Variants in ADAMTSL1 observed in about 807,000 individuals in gnomAD.
ADAMTSL1 encodes the protein ADAMTS-like protein 1.
ADAMTSL1 carries 126 observed loss-of-function variants against 201.8 expected under a neutral mutation model. The ratio of observed to expected loss-of-function variants is 0.62; its 90% confidence interval spans 0.54 to 0.72. The LOEUF (loss-of-function observed/expected upper bound fraction) is 0.72, where lower values mean the gene tolerates loss of function less well. Ranked by LOEUF, ADAMTSL1 falls within the 30% of genes least tolerant of loss-of-function variation. The probability of loss-of-function intolerance (pLI) is 0.00; values close to 1 mark genes in which losing one functional copy is unlikely to be tolerated. For synonymous variants in ADAMTSL1, 1,121 were observed against 903.4 expected (o/e 1.24, Z -4.32); for missense variants, 2,679 against 2,277.8 (o/e 1.18, Z -3.59).
intron 20 of ADAMTSL1, among the ~76,000 whole-genome samples, chr9:18,804,148 A>G (rs1822965535): frequency 1.3e-5 from 2 of 152,178 alleles, no homozygotes; most frequent in African/African-American, 2.4e-5. Context: ...ATAATGAATG[A>G]TAGCATTCTC....
intron 2 of ADAMTSL1, among the ~76,000 whole-genome samples, chr9:18,200,377 A>G (rs920600211): frequency 7.2e-5 from 11 of 152,064 alleles, no homozygotes; most frequent in African/African-American, 2.7e-4. Context: ...CTCTTTTGGA[A>G]CTGTATAAAT....
At position 18,718,314 on chromosome 9, in the gene ADAMTSL1, A is replaced by G. The variant is rs111827008; in HGVS notation, c.1877-3222A>G. The G allele has an allele frequency of 2.7e-3, 2,039 of 744,288 alleles. 37 individuals carry two copies. In the African/African-American group the frequency reaches 0.029, roughly 11 times the overall value. 46.1% of individuals were successfully genotyped at this position (744,288 alleles called of 1,614,324 possible). On this transcript the variant is annotated intron_variant, in intron 14 of 28. Coordinates refer to ENST00000380548, the MANE Select transcript of ADAMTSL1 (RefSeq NM_001040272.6). ...TAATGCAAAGCCTTGTCCATTTCTC[A>G]TGTACAAATCCCTCCTTGCTATACA... is the stretch of plus-strand genomic sequence containing the variant.
At chr9:18,583,824 T>C (rs7040072) in intron 4 of ADAMTSL1, among the ~76,000 whole-genome samples, 21,609 of 152,228 alleles carry the variant, frequency 0.14, 1,928 homozygotes, top group South Asian at 0.25. Flanking sequence ...CTGGTGGATT[T>C]TGGACTTGAG....
chr9:18,456,928 G>A (rs1243456705), intron 2 of ADAMTSL1, among the ~76,000 whole-genome samples: 1 of 152,184 alleles, frequency 6.6e-6, no homozygotes, highest in East Asian at 1.9e-4. Context: ...GGCTGGAATG[G>A]AAGCACCACA....
chr9:18,762,685 G>A (rs998108067), intron 16 of ADAMTSL1, among the ~76,000 whole-genome samples: 14 of 147,180 alleles, frequency 9.5e-5, no homozygotes, highest in African/African-American at 1.5e-4. Context: ...TCCTTCTTCC[G>A]CTCTCTATGT....
At chr9:18,820,356 G>A (rs534465826) in intron 21 of ADAMTSL1, among the ~76,000 whole-genome samples, 17 of 152,076 alleles carry the variant, frequency 1.1e-4, no homozygotes, top group Non-Finnish European at 2.2e-4. Flanking sequence ...ATGTAGATAC[G>A]GTTGTTGTTT....
intron 2 of ADAMTSL1, among the ~76,000 whole-genome samples, chr9:18,400,327 T>A (rs1237716674): frequency 1.3e-5 from 2 of 152,192 alleles, no homozygotes; most frequent in Non-Finnish European, 2.9e-5. Flanking sequence ...TATAATTCAG[T>A]CTTTTCTCCA....
chr9:17,916,214 C>A (rs79666445), intron 1 of ADAMTSL1, among the ~76,000 whole-genome samples: 2,035 of 152,332 alleles, frequency 0.013, 45 homozygotes, highest in African/African-American at 0.047. Context: ...AGCCACCACC[C>A]AGCCACTATG....
intron 2 of ADAMTSL1, among the ~76,000 whole-genome samples, chr9:18,284,121 C>G (rs113767255): frequency 6.6e-6 from 1 of 151,036 alleles, no homozygotes. Flanking sequence ...TTCCACTACT[C>G]GGGAGGCTGA....
intron 19 of ADAMTSL1, among the ~76,000 whole-genome samples, chr9:18,786,898 G>A (rs1352061805): frequency 2.0e-5 from 3 of 152,218 alleles, no homozygotes; most frequent in Non-Finnish European, 4.4e-5. Flanking sequence ...GTGTTCCAAA[G>A]TGGTGCTGAA....
chr9:18,890,554 C>G (rs1563892840), intron 25 of ADAMTSL1: 1 of 455,876 alleles, frequency 2.2e-6, no homozygotes, highest in Non-Finnish European at 4.4e-6. Flanking sequence ...GTTTTGCCAG[C>G]TGAGTCATAA....
intron 5 of ADAMTSL1, among the ~76,000 whole-genome samples, chr9:18,628,941 A>G (rs1826565339): frequency 1.3e-5 from 2 of 152,174 alleles, no homozygotes; most frequent in Admixed American, 6.5e-5. Context: ...ATAGCACACT[A>G]CAGACCCACA....
At chr9:18,383,183 G>A (rs1031056281) in intron 2 of ADAMTSL1, among the ~76,000 whole-genome samples, 6 of 152,088 alleles carry the variant, frequency 3.9e-5, no homozygotes, top group Non-Finnish European at 8.8e-5. Context: ...AGGGAAGGGA[G>A]TTATTAAATA....
intron 1 of ADAMTSL1, among the ~76,000 whole-genome samples, chr9:17,967,223 AATTCCTGGTATATTCC>A (rs1430245115): frequency 6.6e-6 from 1 of 152,092 alleles, no homozygotes; most frequent in Non-Finnish European, 1.5e-5. Context: ...AATGTCTAAG[AATTCCTGGTATATTCC>A]ATTTTAAGGC....
intron 4 of ADAMTSL1, among the ~76,000 whole-genome samples, chr9:18,590,145 T>G (rs1242367757): frequency 1.3e-5 from 2 of 152,236 alleles, no homozygotes; most frequent in East Asian, 3.9e-4. Flanking sequence ...AATTCAGCAG[T>G]GAAGTCATTG....
At chr9:18,174,965 A>G (rs141132341) in intron 2 of ADAMTSL1, among the ~76,000 whole-genome samples, 1 of 152,362 alleles carries the variant, frequency 6.6e-6, no homozygotes, top group Non-Finnish European at 1.5e-5. Flanking sequence ...GAAAATGAAT[A>G]TTAAAAGAAT....
At chr9:17,937,550 CTT>C (rs980620526) in intron 1 of ADAMTSL1, among the ~76,000 whole-genome samples, 4 of 120,334 alleles carry the variant, frequency 3.3e-5, no homozygotes, top group African/African-American at 1.2e-4. Flanking sequence ...TTTAAACACA[CTT>C]ATAAACTTTG....
intron 2 of ADAMTSL1, among the ~76,000 whole-genome samples, chr9:18,282,102 T>C (rs59352273): frequency 0.047 from 7,217 of 152,232 alleles, 573 homozygotes; most frequent in African/African-American, 0.16. Context: ...TTTTCAATCC[T>C]TCCCCCGCTT....
intron 3 of ADAMTSL1, among the ~76,000 whole-genome samples, chr9:18,572,219 T>A (rs1822369578): frequency 6.6e-6 from 1 of 152,102 alleles, no homozygotes; most frequent in Non-Finnish European, 1.5e-5. Flanking sequence ...TAAAGTTAAT[T>A]TGTATTGTAT....
Sources: gnomAD v4.1 joint callset for allele counts (sites outside exome capture counted in the v4.1 genomes callset) on GRCh38, gnomAD v4.1.1 for gene constraint, MANE v1.5 for transcripts, NCBI Gene and HGNC (gene_info 2026-07-23, HGNC 2026-07-21) for gene names.